JSRP1: variants seen among roughly 807,000 people sequenced by gnomAD.
JSRP1 encodes junctional sarcoplasmic reticulum protein 1.
Under a neutral mutation model 21.4 loss-of-function variants are expected in JSRP1, and 29 were observed. The ratio of observed to expected loss-of-function variants is 1.36; its 90% CI spans 1.01 to 1.85. JSRP1 has a LOEUF of 1.85. JSRP1 is among the 40% of genes most tolerant of loss of function. The probability of loss-of-function intolerance (pLI) is 0.00; values close to 1 mark genes in which losing one functional copy is unlikely to be tolerated. For missense variants in JSRP1, 531 were observed against 461.5 expected (o/e 1.15, Z -1.38); for synonymous variants, 221 against 206.1 (o/e 1.07, Z -0.62).
At position 2,252,271 on chromosome 19, in the gene JSRP1, T is replaced by C. The variant is rs1040021091; in HGVS notation, c.*58A>G. On this transcript the variant is annotated 3_prime_UTR_variant, in exon 7 of 7. Transcript: ENST00000300961. ...CTCTGCGGCCGCAGCACTCGCTTTA[T>C]TTCGCCAGAGTCGCGGGGCGTCCAG... 2 of 1,375,632 alleles carry C rather than the reference T, an allele frequency of 1.5e-6. No individual in the cohort carries two copies. Among genetic ancestry groups the C allele is most frequent in the African/African-American group, 1.5e-5 (1 of 68,358 alleles). The allele number at this position is 1,375,632 out of a possible 1,614,324, so 85.2% of individuals were successfully genotyped here.
intron 5 of JSRP1, among the ~76,000 whole-genome samples, chr19:2,253,211 A>G (rs1362988246): frequency 1.3e-5 from 2 of 152,090 alleles, no homozygotes; most frequent in African/African-American, 4.8e-5. Flanking sequence ...CGCTCTTTCA[A>G]TTGGTCATTC....
rs571026679 is a variant in JSRP1, at chr19:2,253,649, A to C, written c.407T>G (p.Leu136Arg). The C allele has an allele frequency of 6.6e-7, 1 of 1,505,566 alleles. No individual in the cohort carries two copies. The highest frequency in any genetic ancestry group is 8.8e-7 in the Non-Finnish European group (1 of 1,134,154). The allele number at this position is 1,505,566 out of a possible 1,614,324, so 93.3% of individuals were successfully genotyped here. The stretch of plus-strand genomic sequence containing the variant: ...GCACAGCTGGAAAGCCGAGCCCAGC[A>C]GCGCCACCAGCGAGGCGAGCACCAG... ...KCLVLASLVA[L>R]LGSAFQLCRD... is the part of the protein sequence containing the mutation. The change falls in exon 5 of 7, where the codon CTG (leucine) becomes CGG (arginine). Residue 136 changes from leucine (L) to arginine (R), a missense_variant. Coordinates refer to ENST00000300961, the MANE Select transcript of JSRP1 (RefSeq NM_144616.4).
rs561540222 is a variant in JSRP1, at chr19:2,252,947, G to A, written c.493C>T (p.Pro165Ser). ...QARVPEPWVP[P>S]SSAPREPSSP... ...GATGGCTCCCTCGGGGCTGAGCTTG[G>A]CGGGACCCAGGGCTCGGGCACACGT... Residue 165 changes from proline to serine, a missense_variant, in exon 6 of 7, where the codon CCA (proline) becomes TCA (serine). Physicochemically the swap from Pro to Ser is moderately conservative, Grantham distance 74 (BLOSUM62 -1). Coordinates refer to ENST00000300961, the MANE Select transcript of JSRP1 (RefSeq NM_144616.4). 6.2e-6 allele frequency: 10 copies of A among 1,610,418 alleles called. No homozygotes were observed. The Admixed American group carries it at 1.5e-4, about 24-fold the overall frequency.
chr19:2,255,946 G>C (rs2025140234), intron 1 of JSRP1, among the ~76,000 whole-genome samples: 1 of 152,196 alleles, frequency 6.6e-6, no homozygotes, highest in Non-Finnish European at 1.5e-5. Context: ...CCCGGTTGTG[G>C]TTGGGGGTCT....
chr19:2,253,745 A>C lies in JSRP1; in HGVS notation c.311T>G (p.Leu104Arg). The part of the protein sequence containing the change: ...ARKKAQTAPP[L>R]QPPPPPPALS... ...GGCCGGGGGCGGCGGCGGCGGCTGC[A>C]GGGGCGGCGCGGTCTGCGCCTTCTT... Residue 104 changes from leucine to arginine, a missense_variant, in exon 5 of 7, where the codon CTG becomes CGG. Transcript: ENST00000300961. The C allele has an allele frequency of 4.0e-6, 6 of 1,482,676 alleles. No individual in the cohort carries two copies. The highest frequency in any genetic ancestry group is 1.3e-5 in the South Asian group (1 of 78,116). 91.8% of individuals were successfully genotyped at this position (1,482,676 alleles called of 1,614,324 possible). A position where few individuals can be genotyped will look rare whatever the true frequency, so the allele number is the denominator to read the frequency against.
At chr19:2,253,225 C>T (rs1463255361) in intron 5 of JSRP1, among the ~76,000 whole-genome samples, 1 of 152,228 alleles carries the variant, frequency 6.6e-6, no homozygotes, top group Non-Finnish European at 1.5e-5. Flanking sequence ...GTCATTCTTC[C>T]CCCCGACCAC....
intron 1 of JSRP1, 77 bp from the exon 2 acceptor site, chr19:2,255,421 G>A (rs542895513): frequency 1.8e-5 from 11 of 603,666 alleles, no homozygotes; most frequent in South Asian, 4.7e-5. Flanking sequence ...GAGGTTCTGC[G>A]GACACCAACT....
Position 2,252,607 on chromosome 19 carries a change from G to T in JSRP1, c.718C>A (p.Arg240=). 6.2e-7 allele frequency: 1 copy of T among 1,612,598 alleles called. No homozygotes were observed. Among genetic ancestry groups the T allele is most frequent in the Non-Finnish European group, 8.5e-7 (1 of 1,179,892 alleles). The change falls in exon 7 of 7, where the codon CGG becomes AGG. Residue 240 remains arginine (R), a synonymous_variant. Transcript: ENST00000300961. ...TCCTTCCGCGGCTTCCCCTCTCTCC[G>T]AGGCCTCTCCTTGGGTCCCCGGTCT... is the stretch of plus-strand genomic sequence containing the variant. ...LADRGPKERP[R]REGKPRKEKP...
At chr19:2,255,083 G>T in intron 2 of JSRP1, 123 bp downstream of exon 2, 1 of 570,206 alleles carries the variant, frequency 1.8e-6, no homozygotes, top group Non-Finnish European at 3.0e-6. Context: ...GGTTGAACAT[G>T]GGGAGCACAC....
At chr19:2,255,424 C>T (rs1175345920) in intron 1 of JSRP1, 80 bp from the exon 2 acceptor site, 1 of 581,764 alleles carries the variant, frequency 1.7e-6, no homozygotes, top group Non-Finnish European at 2.9e-6. Flanking sequence ...GTTCTGCGGA[C>T]ACCAACTAAC....
Position 2,252,441 on chromosome 19 carries a change from G to A in JSRP1, c.884C>T (p.Ser295Phe). 6.2e-7 allele frequency: 1 copy of A among 1,610,808 alleles called. No homozygotes were observed. Residue 295 changes from serine (S) to phenylalanine (F), a missense_variant, in exon 7 of 7, where the codon TCC (serine) becomes TTC (phenylalanine). Ser to Phe is a radical substitution (Grantham distance 155). Transcript: ENST00000300961. ...EGGHRPWARD[S>F]RDAEPRKKQA... ...CTTCTTCCTGGGCTCGGCGTCCCTGGAGTCCCGTGCCCACGGCCGGTGGCC... is the reference window on the plus strand; with the variant it reads ...CTTCTTCCTGGGCTCGGCGTCCCTGAAGTCCCGTGCCCACGGCCGGTGGCC...
Position 2,253,765 on chromosome 19 carries a change from CTTCT to C in JSRP1, c.287_290del (p.Lys96ArgfsTer17). On this transcript the variant is annotated frameshift_variant, in exon 5 of 7. Coordinates refer to ENST00000300961, the MANE Select transcript of JSRP1 (RefSeq NM_144616.4). LOFTEE classifies it high-confidence loss of function. ...GCTGCAGGGGCGGCGCGGTCTGCGC[CTTCT>C]TGCGCGCGGGGACGCTCCGAGGGCC... 1 of 1,439,082 alleles carries C rather than the reference CTTCT, an allele frequency of 6.9e-7. No individual in the cohort carries two copies. The highest frequency in any genetic ancestry group is 9.0e-7 in the Non-Finnish European group (1 of 1,108,728). The allele number at this position is 1,439,082 out of a possible 1,614,324, so 89.1% of individuals were successfully genotyped here.
At position 2,254,239 on chromosome 19, in the gene JSRP1, A is replaced by T. The variant is rs750212559; in HGVS notation, c.210T>A (p.Pro70=). Residue 70 remains proline, a synonymous_variant, in exon 4 of 7, where the codon CCT becomes CCA. Transcript: ENST00000300961. ...CCGTTCCTGGGGTCCCCCTGGCGGC[A>T]GGCTCTTTTTCCATCTTCTTGGGCC... The part of the protein sequence containing the change: ...DTRPKKMEKE[P]AARGTPGTGK... 39 of 1,605,930 alleles carry T rather than the reference A, an allele frequency of 2.4e-5. 1 individual carries two copies. In the South Asian group the frequency reaches 3.9e-4, roughly 16 times the overall value.
intron 2 of JSRP1, among the ~76,000 whole-genome samples, chr19:2,254,935 C>T (rs1197390140): frequency 6.6e-6 from 1 of 151,960 alleles, no homozygotes; most frequent in African/African-American, 2.4e-5. Context: ...AGAAAGCAGA[C>T]AGGCTTGGAG....
At chr19:2,254,941 T>A (rs2025126224) in intron 2 of JSRP1, among the ~76,000 whole-genome samples, 1 of 151,990 alleles carries the variant, frequency 6.6e-6, no homozygotes, top group Admixed American at 6.6e-5. Context: ...CAGACAGGCT[T>A]GGAGACAGCT....
At chr19:2,253,037 G>A in intron 5 of JSRP1, 34 bp from the exon 6 acceptor site, 3 of 1,487,418 alleles carry the variant, frequency 2.0e-6, no homozygotes, top group South Asian at 1.2e-5. Context: ...GAGTCAGCTG[G>A]GCCGAGGCAC....
At chr19:2,254,561 C>T (rs903470869) in intron 2 of JSRP1, 79 bp from the exon 3 acceptor site, 15 of 1,519,674 alleles carry the variant, frequency 9.9e-6, no homozygotes, top group South Asian at 7.9e-5. Flanking sequence ...TGCTGGGTGA[C>T]GTGCGGGTGA....
intron 1 of JSRP1, among the ~76,000 whole-genome samples, 198 bp from the exon 2 acceptor site, chr19:2,255,542 C>A (rs2025135185): frequency 6.6e-6 from 1 of 152,200 alleles, no homozygotes; most frequent in African/African-American, 2.4e-5. Context: ...TGCCCTGGGA[C>A]CCCTCCCTAC....
rs148154923 is a variant in JSRP1, at chr19:2,254,263, C to A, written c.186G>T (p.Arg62Ser). ...QVAEGPSVDT[R>S]PKKMEKEPAA... ...CAGGCTCTTTTTCCATCTTCTTGGG[C>A]CTGGTGTCCACACTGGGGCCTTCAG... Residue 62 changes from arginine (R) to serine (S), a missense_variant, in exon 4 of 7, where the codon AGG (arginine) becomes AGT (serine). Coordinates refer to ENST00000300961, the MANE Select transcript of JSRP1 (RefSeq NM_144616.4). 2 of 1,605,596 alleles carry A rather than the reference C, an allele frequency of 1.2e-6. No homozygotes were observed. Among genetic ancestry groups the A allele is most frequent in the Non-Finnish European group, 8.5e-7 (1 of 1,175,806 alleles).
Sources: allele counts gnomAD v4.1 joint callset (sites outside exome capture counted in the v4.1 genomes callset), GRCh38; gene constraint gnomAD v4.1.1; transcripts MANE v1.5; gene names NCBI Gene and HGNC (gene_info 2026-07-23, HGNC 2026-07-21).